Variants in DIP2B observed in about 807,000 individuals in gnomAD.
DIP2B encodes the protein DIP2 acetate--CoA ligase B (putative).
Under a neutral mutation model 198.0 loss-of-function variants are expected in DIP2B, and 76 were observed. The ratio of observed to expected loss-of-function variants is 0.38; its 90% confidence interval spans 0.32 to 0.46. The LOEUF is 0.46. Among genes scored for constraint, DIP2B ranks in the 20% least tolerant of loss-of-function variants. The pLI, the probability that DIP2B is intolerant of heterozygous loss-of-function variation, is 0.99. For synonymous variants in DIP2B, 701 were observed against 739.1 expected, an observed-to-expected ratio of 0.95 and a Z score of 0.84; for missense variants, 1,559 against 1,978.4, an observed-to-expected ratio of 0.79 and a Z score of 4.02.
At position 50,731,413 on chromosome 12, in the gene DIP2B, T is replaced by TA; in HGVS notation, c.3687dup (p.Glu1230ArgfsTer71). The TA allele has an allele frequency of 1.2e-6, 2 of 1,614,152 alleles. No individual in the cohort carries two copies. The highest frequency in any genetic ancestry group is 1.7e-6 in the Non-Finnish European group (2 of 1,179,992). On this transcript the variant is annotated frameshift_variant, in exon 31 of 38. Coordinates refer to ENST00000301180, the MANE Select transcript of DIP2B (RefSeq NM_173602.3). LOFTEE classifies it high-confidence loss of function. ...TCTGTCTTAATTCCTCCTATGGAGT[T>TA]AGAGAACAACCTTTTCCTCTGGCTC...
intron 1 of DIP2B, among the ~76,000 whole-genome samples, chr12:50,570,039 C>G (rs2139406443): frequency 6.6e-6 from 1 of 152,278 alleles, no homozygotes; most frequent in African/African-American, 2.4e-5. Context: ...ATGAAGTGCT[C>G]TGATTCCTTT....
chr12:50,600,286 G>A (rs1269343447), intron 1 of DIP2B, among the ~76,000 whole-genome samples: 1 of 152,160 alleles, frequency 6.6e-6, no homozygotes, highest in East Asian at 1.9e-4. Context: ...GCTAGTGTTG[G>A]ATGAGGACAA....
At position 50,722,237 on chromosome 12, in the gene DIP2B, TTTTG is replaced by T. The variant is rs1555195287; in HGVS notation, c.3166+857_3166+860del. ...CACTTCATATTGTTCTGTGATTTTT[TTTTG>T]TTTGTTTGTTTGTTTATTTTATTTT... On this transcript the variant is annotated intron_variant, in intron 26 of 37. Transcript: ENST00000301180. Among the ~76,000 whole-genome samples, 446 of 135,998 alleles carry T rather than the reference TTTTG, an allele frequency of 3.3e-3. 2 individuals carry two copies. The highest frequency in any genetic ancestry group is 9.9e-3 in the African/African-American group (367 of 37,220). 89.2% of individuals were successfully genotyped at this position (135,998 alleles called of 152,430 possible). A position where few individuals can be genotyped will look rare whatever the true frequency, so the allele number is the denominator to read the frequency against.
chr12:50,734,528 G>A (rs1435836575), intron 33 of DIP2B, among the ~76,000 whole-genome samples: 1 of 152,176 alleles, frequency 6.6e-6, no homozygotes. Flanking sequence ...TAAGATAAAT[G>A]AGTCAGAGTA....
chr12:50,682,290 A>G (rs1939053551), intron 9 of DIP2B, among the ~76,000 whole-genome samples: 1 of 152,134 alleles, frequency 6.6e-6, no homozygotes, highest in Non-Finnish European at 1.5e-5. Flanking sequence ...GAACATTTGC[A>G]TTGTTGGGTA....
chr12:50,640,923 G>A (rs1938245750), intron 3 of DIP2B, 71 bp downstream of exon 3: 5 of 1,526,858 alleles, frequency 3.3e-6, no homozygotes, highest in African/African-American at 1.4e-5. Context: ...TATCCTGAGA[G>A]CTTCTAATAC....
At chr12:50,646,212 C>G (rs1331475093) in intron 3 of DIP2B, among the ~76,000 whole-genome samples, 1 of 151,948 alleles carries the variant, frequency 6.6e-6, no homozygotes, top group East Asian at 1.9e-4. Context: ...CAACCTCCGC[C>G]TCCTGGGTTC....
At position 50,505,498 on chromosome 12, in the gene DIP2B, C is replaced by T. The variant is rs73115156; in HGVS notation, c.100+258C>T. Among the ~76,000 whole-genome samples the T allele has an allele frequency of 6.6e-3, 1,005 of 152,322 alleles. 6 individuals carry two copies. Among genetic ancestry groups the T allele is most frequent in the Non-Finnish European group, 0.011 (739 of 68,022 alleles). ...CTCCCGGGCCCACACTGCTTCTGCG[C>T]TTCCTGCCCCCCAAAACCCGAGACA... On this transcript the variant is annotated intron_variant, in intron 1 of 37. Transcript: ENST00000301180.
intron 2 of DIP2B, chr12:50,633,252 AT>A (rs1938095189): frequency 6.6e-6 from 1 of 152,222 alleles, no homozygotes; most frequent in Non-Finnish European, 1.5e-5. Flanking sequence ...TGAAGAAAAT[AT>A]TTGAATAGTA....
At position 50,630,673 on chromosome 12, in the gene DIP2B, T is replaced by TTC. The variant is rs1337250978; in HGVS notation, c.172+4627_172+4628insCT. Among the ~76,000 whole-genome samples, 793 of 141,690 alleles carry TTC rather than the reference T, an allele frequency of 5.6e-3. 12 individuals carry two copies. Among genetic ancestry groups the TTC allele is most frequent in the African/African-American group, 0.02 (770 of 38,050 alleles). 93.0% of individuals were successfully genotyped at this position (141,690 alleles called of 152,430 possible). ...CGAATTCTTTCTTTTCTTTTTTTTT[T>TTC]TTTTTTTTTTTTTTTGAGACAGAGT... On this transcript the variant is annotated intron_variant, in intron 2 of 37. Transcript: ENST00000301180.
At chr12:50,643,043 T>TGA (rs977818347) in intron 3 of DIP2B, among the ~76,000 whole-genome samples, 1 of 151,800 alleles carries the variant, frequency 6.6e-6, no homozygotes, top group South Asian at 2.1e-4. Flanking sequence ...TGTGTGTGTG[T>TGA]GAGTGTGTGT....
At chr12:50,699,297 T>C (rs1939374896) in intron 19 of DIP2B, 95 bp downstream of exon 19, 2 of 1,527,266 alleles carry the variant, frequency 1.3e-6, no homozygotes, top group Admixed American at 1.8e-5. Context: ...GCATAACATG[T>C]GGTTGAGAGT....
intron 1 of DIP2B, among the ~76,000 whole-genome samples, chr12:50,509,163 T>C (rs147839118): frequency 1.5e-3 from 234 of 152,304 alleles, no homozygotes; most frequent in African/African-American, 5.3e-3. Context: ...AGGGAAATCA[T>C]TGAAAACTGC....
chr12:50,513,090 A>G (rs995671486), intron 1 of DIP2B, among the ~76,000 whole-genome samples: 2 of 152,210 alleles, frequency 1.3e-5, no homozygotes, highest in Non-Finnish European at 2.9e-5. Flanking sequence ...TGAGTATAGT[A>G]TGGCGTGCGG....
Position 50,605,908 on chromosome 12 carries a change from G to A in DIP2B, c.101-20068G>A, listed in dbSNP as rs147731136. The stretch of plus-strand genomic sequence containing the variant: ...ATGATCTCGGCTCACTGCAACCTTC[G>A]CCCCCCAGGTTCAAGCGATTTTCCT... On this transcript the variant is annotated intron_variant, in intron 1 of 37. Transcript: ENST00000301180. Among the ~76,000 whole-genome samples the A allele has an allele frequency of 9.7e-4, 148 of 151,802 alleles. 1 individual carries two copies. Among genetic ancestry groups the A allele is most frequent in the Admixed American group, 2.8e-3 (43 of 15,246 alleles).
intron 1 of DIP2B, among the ~76,000 whole-genome samples, chr12:50,544,464 G>A (rs1460022713): frequency 1.3e-5 from 2 of 152,088 alleles, no homozygotes; most frequent in East Asian, 1.9e-4. Flanking sequence ...CTGCCACTAC[G>A]CCCAGCTAAT....
chr12:50,739,573 A>G lies in DIP2B; in HGVS notation c.4341A>G (p.Thr1447=). 4 of 1,613,860 alleles carry G rather than the reference A, an allele frequency of 2.5e-6. No homozygotes were observed. Among genetic ancestry groups the G allele is most frequent in the Non-Finnish European group, 2.5e-6 (3 of 1,179,788 alleles). The change falls in exon 36 of 38, where the codon ACA becomes ACG. Residue 1447 remains threonine (T), a synonymous_variant. Coordinates refer to ENST00000301180, the MANE Select transcript of DIP2B (RefSeq NM_173602.3). ...GTTTTGTCCGCCGGACCGAGCTCACAGCGGCCACTGGAGGTACTTCTGCAA... is the reference window on the plus strand; with the variant it reads ...GTTTTGTCCGCCGGACCGAGCTCACGGCGGCCACTGGAGGTACTTCTGCAA... The part of the protein sequence containing the change: ...YLGFVRRTEL[T]AATGERHDAL...
At chr12:50,661,114 G>T (rs1938638819) in intron 4 of DIP2B, among the ~76,000 whole-genome samples, 1 of 150,984 alleles carries the variant, frequency 6.6e-6, no homozygotes, top group East Asian at 1.9e-4. Flanking sequence ...AACTTCTCTA[G>T]TGGAAGCTCG....
intron 14 of DIP2B, among the ~76,000 whole-genome samples, chr12:50,694,468 C>T (rs989027175): frequency 7.2e-5 from 11 of 151,780 alleles, no homozygotes; most frequent in African/African-American, 2.4e-4. Flanking sequence ...GTACTCTAGC[C>T]TGGGCAACAG....
Sources: allele counts gnomAD v4.1 joint callset (sites outside exome capture counted in the v4.1 genomes callset), GRCh38; gene constraint gnomAD v4.1.1; transcripts MANE v1.5; gene names NCBI Gene and HGNC (gene_info 2026-07-23, HGNC 2026-07-21).